Variants in CDH9 observed in about 807,000 individuals in gnomAD.
The protein encoded by CDH9 is cadherin 9.
A neutral mutation model predicts 70.9 loss-of-function variants in CDH9; 28 were observed. That is an observed-to-expected ratio of 0.40 (90% confidence interval 0.29 to 0.54). CDH9 has a LOEUF of 0.54. CDH9 is among the 20% of genes least tolerant of loss of function. The probability of loss-of-function intolerance (pLI) is 0.59; values close to 1 mark genes in which losing one functional copy is unlikely to be tolerated. For synonymous variants in CDH9, 409 were observed against 343.1 expected, an observed-to-expected ratio of 1.19 and a Z score of -2.12; for missense variants, 874 against 984.4, an observed-to-expected ratio of 0.89 and a Z score of 1.50.
chr5:26,977,489 A>ATATATATATATATATATATATGTATATG (rs1401713640), intron 2 of CDH9, among the ~76,000 whole-genome samples: 1 of 129,094 alleles, frequency 7.7e-6, no homozygotes, highest in African/African-American at 4.6e-5. Context: ...GTGTGTGTAT[A>ATATATATATATATATATATATGTATATG]TATATATATA....
intron 11 of CDH9, among the ~76,000 whole-genome samples, chr5:26,884,745 C>G (rs1740531042): frequency 6.6e-6 from 1 of 152,114 alleles, no homozygotes; most frequent in African/African-American, 2.4e-5. Context: ...AGCATTAGAA[C>G]ATAAATTTGG....
intron 2 of CDH9, 117 bp downstream of exon 2, chr5:26,987,989 T>C (rs554841567): frequency 1.4e-6 from 1 of 717,196 alleles, no homozygotes; most frequent in Non-Finnish European, 2.3e-6. Flanking sequence ...ATATCACACC[T>C]TCAGAACATA....
At chr5:26,955,709 G>A (rs184774112) in intron 2 of CDH9, among the ~76,000 whole-genome samples, 5 of 152,156 alleles carry the variant, frequency 3.3e-5, no homozygotes, top group South Asian at 2.1e-4. Flanking sequence ...GGACATGGGC[G>A]TATTTAGGAG....
chr5:26,933,556 C>A (rs1299749348), intron 2 of CDH9, among the ~76,000 whole-genome samples: 1 of 151,746 alleles, frequency 6.6e-6, no homozygotes, highest in Non-Finnish European at 1.5e-5. Context: ...GCGGGTGGAT[C>A]ACAAGTCAAG....
At chr5:26,957,405 T>C (rs1471787057) in intron 2 of CDH9, among the ~76,000 whole-genome samples, 1 of 152,168 alleles carries the variant, frequency 6.6e-6, no homozygotes, top group East Asian at 1.9e-4. Context: ...CTCACATCTG[T>C]AATCGTAGCA....
At chr5:27,009,225 G>A (rs1226738889) in intron 1 of CDH9, among the ~76,000 whole-genome samples, 3 of 152,082 alleles carry the variant, frequency 2.0e-5, no homozygotes, top group East Asian at 1.9e-4. Context: ...TTGGAGGATC[G>A]GGGATAGTGA....
At chr5:26,925,452 C>T (rs6878106) in intron 2 of CDH9, among the ~76,000 whole-genome samples, 14,552 of 151,984 alleles carry the variant, frequency 0.096, 871 homozygotes, top group East Asian at 0.17. Context: ...GATATCAGCC[C>T]TTTGTCAGAT....
At position 26,973,859 on chromosome 5, in the gene CDH9, C is replaced by T. The variant is rs551847079; in HGVS notation, c.228+14247G>A. On this transcript the variant is annotated intron_variant, in intron 2 of 11. Coordinates refer to ENST00000231021, the MANE Select transcript of CDH9 (RefSeq NM_016279.4). The stretch of plus-strand genomic sequence containing the variant: ...TGTAAAGTCTAGGCTTTTTAATATG[C>T]CCCCATTTTAATTATCTTGCATAGT... Among the ~76,000 whole-genome samples, 7 of 152,104 alleles carry T rather than the reference C, an allele frequency of 4.6e-5. No homozygotes were observed. In the East Asian group the frequency reaches 9.7e-4, roughly 21 times the overall value.
intron 2 of CDH9, among the ~76,000 whole-genome samples, chr5:26,976,613 A>G (rs2112079220): frequency 6.6e-6 from 1 of 152,074 alleles, no homozygotes; most frequent in African/African-American, 2.4e-5. Context: ...AATTTTGTGT[A>G]TTTTTGTGTA....
intron 7 of CDH9, among the ~76,000 whole-genome samples, chr5:26,892,374 T>C (rs1740675059): frequency 6.6e-6 from 1 of 152,086 alleles, no homozygotes; most frequent in Non-Finnish European, 1.5e-5. Context: ...GGAGCTGAGA[T>C]TGTGCATTTT....
chr5:26,991,626 T>C (rs1742580672), intron 1 of CDH9, among the ~76,000 whole-genome samples: 1 of 152,220 alleles, frequency 6.6e-6, no homozygotes, highest in African/African-American at 2.4e-5. Flanking sequence ...TCTCAGGTTT[T>C]GTTTCTGGGA....
chr5:26,929,782 T>C (rs982237469), intron 2 of CDH9, among the ~76,000 whole-genome samples: 1 of 152,068 alleles, frequency 6.6e-6, no homozygotes, highest in Non-Finnish European at 1.5e-5. Context: ...TTGTTAGATC[T>C]CTAAATTAAA....
intron 1 of CDH9, among the ~76,000 whole-genome samples, chr5:27,007,200 G>A (rs1200528440): frequency 6.6e-6 from 1 of 152,030 alleles, no homozygotes; most frequent in East Asian, 1.9e-4. Flanking sequence ...TTGAGAAAAA[G>A]CACACAGTGT....
chr5:26,980,653 C>G (rs1312247365), intron 2 of CDH9, among the ~76,000 whole-genome samples: 2 of 151,834 alleles, frequency 1.3e-5, no homozygotes, highest in Admixed American at 6.6e-5. Context: ...AAAAAGGAAA[C>G]ATGGTAGTTT....
chr5:27,010,642 C>G (rs2112114753), intron 1 of CDH9, among the ~76,000 whole-genome samples: 1 of 152,076 alleles, frequency 6.6e-6, no homozygotes, highest in South Asian at 2.1e-4. Flanking sequence ...GACAGTTTTA[C>G]CAAATGTTAC....
intron 1 of CDH9, among the ~76,000 whole-genome samples, chr5:27,019,092 C>CA (rs1743093619): frequency 2.0e-5 from 3 of 151,350 alleles, no homozygotes; most frequent in African/African-American, 7.3e-5. Flanking sequence ...GGAGGAATCC[C>CA]AAAAAAAGTA....
Position 26,881,504 on chromosome 5 carries a change from C to T in CDH9, c.2002G>A (p.Asp668Asn). 1 of 1,613,818 alleles carries T rather than the reference C, an allele frequency of 6.2e-7. No homozygotes were observed. Among genetic ancestry groups the T allele is most frequent in the Non-Finnish European group, 8.5e-7 (1 of 1,179,804 alleles). The change falls in exon 12 of 12, where the codon GAT (aspartate) becomes AAT (asparagine). Residue 668 changes from aspartate to asparagine, a missense_variant. Physicochemically the swap from Asp to Asn is conservative, Grantham distance 23. Transcript: ENST00000231021. ...TYNDEGGGEE[D>N]TQAFDIGTLR... Reference sequence around the variant, plus strand: ...GTGCCAATGTCAAAAGCTTGGGTATCTTCTTCCCCGCCGCCTTCATCGTTG... The same window carrying T: ...GTGCCAATGTCAAAAGCTTGGGTATTTTCTTCCCCGCCGCCTTCATCGTTG...
At chr5:26,947,634 G>A (rs1741776144) in intron 2 of CDH9, among the ~76,000 whole-genome samples, 1 of 152,114 alleles carries the variant, frequency 6.6e-6, no homozygotes, top group Non-Finnish European at 1.5e-5. Flanking sequence ...CTCTGCTATG[G>A]GTAATGACAA....
intron 7 of CDH9, among the ~76,000 whole-genome samples, chr5:26,899,696 C>T (rs1447456452): frequency 6.6e-6 from 1 of 151,524 alleles, no homozygotes; most frequent in East Asian, 2.0e-4. Flanking sequence ...GGGAGGGGAA[C>T]ATCACACACC....
Sources: gnomAD v4.1 joint callset for allele counts (sites outside exome capture counted in the v4.1 genomes callset) on GRCh38, gnomAD v4.1.1 for gene constraint, MANE v1.5 for transcripts, NCBI Gene and HGNC (gene_info 2026-07-23, HGNC 2026-07-21) for gene names.